HROB: variants seen among roughly 807,000 people sequenced by gnomAD.
The protein encoded by HROB is homologous recombination OB-fold protein.
HROB carries 44 observed loss-of-function variants against 61.0 expected under a neutral mutation model. The observed-to-expected ratio is 0.72, with a 90% CI of 0.57 to 0.93. The LOEUF (loss-of-function observed/expected upper bound fraction) is 0.93, where lower values mean the gene tolerates loss of function less well. Among genes scored for constraint, HROB ranks in the 40% least tolerant of loss-of-function variants. The probability of loss-of-function intolerance (pLI) is 0.00; values close to 1 mark genes in which losing one functional copy is unlikely to be tolerated. For missense variants in HROB, 716 were observed against 796.2 expected (o/e 0.90, Z 1.21); for synonymous variants, 301 against 310.4 (o/e 0.97, Z 0.32).
chr17:44,150,839 G>A (rs1449901867), intron 3 of HROB, 122 bp from the exon 4 acceptor site: 3 of 777,110 alleles, frequency 3.9e-6, no homozygotes, highest in Non-Finnish European at 6.5e-6. Context: ...TAGGAGAGAT[G>A]TAATATGTGT....
rs765213356 is a variant in HROB at position 44,161,954 on chromosome 17, C to T, written c.*22C>T. On this transcript the variant is annotated 3_prime_UTR_variant, in exon 10 of 10. Coordinates refer to ENST00000585683, the MANE Select transcript of HROB (RefSeq NM_001171251.3). The stretch of plus-strand genomic sequence containing the variant: ...TTGAGACTGCCCCAACGCAGGACAA[C>T]CCACCATGAGCAGGCAGCTCTGGGC... The T allele has an allele frequency of 1.2e-6, 2 of 1,610,720 alleles. No homozygotes were observed. The highest frequency in any genetic ancestry group is 1.7e-4 in the Middle Eastern group (1 of 6,052).
intron 1 of HROB, 143 bp downstream of exon 1, chr17:44,142,288 C>T: frequency 9.8e-6 from 11 of 1,122,692 alleles, no homozygotes; most frequent in Non-Finnish European, 1.3e-5. Flanking sequence ...GAGACCTGGG[C>T]TGTCGTCAGG....
At chr17:44,143,970 T>A (rs1287339517) in intron 1 of HROB, among the ~76,000 whole-genome samples, 2 of 152,086 alleles carry the variant, frequency 1.3e-5, no homozygotes, top group Non-Finnish European at 2.9e-5. Context: ...GAAAGTTTTT[T>A]AATCTTTCTT....
chr17:44,149,440 A>T (rs1442162797), intron 3 of HROB, among the ~76,000 whole-genome samples: 1 of 151,958 alleles, frequency 6.6e-6, no homozygotes, highest in Non-Finnish European at 1.5e-5. Flanking sequence ...GTAGAGACAG[A>T]GTTTCACCAT....
chr17:44,159,212 G>A (rs2054059381), intron 9 of HROB, among the ~76,000 whole-genome samples: 2 of 152,158 alleles, frequency 1.3e-5, no homozygotes, highest in African/African-American at 4.8e-5. Flanking sequence ...AACTGTTCCA[G>A]TATAATACAG....
chr17:44,162,001 G>T lies in HROB; in HGVS notation c.*69G>T. The stretch of plus-strand genomic sequence containing the variant: ...GGGCATGTGTCTGGTCACATCCAAG[G>T]GGGAGAAGAAGGCCAGCATGATTGG... On this transcript the variant is annotated 3_prime_UTR_variant, in exon 10 of 10. Transcript: ENST00000585683. 6.5e-7 allele frequency: 1 copy of T among 1,531,024 alleles called. No homozygotes were observed. The allele number at this position is 1,531,024 out of a possible 1,614,324, so 94.8% of individuals were successfully genotyped here.
At position 44,161,912 on chromosome 17, in the gene HROB, T is replaced by C. The variant is rs2054152429; in HGVS notation, c.1921T>C (p.Phe641Leu). Residue 641 changes from phenylalanine to leucine, a missense_variant, in exon 10 of 10, where the codon TTC becomes CTC. Transcript: ENST00000585683. ...CCTGAGTGAGCTTCCTGAAGACTTC[T>C]TCTGTGGGACCAGTAGTTGAGACTG... The part of the protein sequence containing the change: ...GLLSELPEDF[F>L]CGTSS 1.2e-6 allele frequency: 2 copies of C among 1,614,066 alleles called. No individual in the cohort carries two copies. Among genetic ancestry groups the C allele is most frequent in the African/African-American group, 2.7e-5 (2 of 74,942 alleles).
At chr17:44,150,717 C>G (rs980910214) in intron 3 of HROB, among the ~76,000 whole-genome samples, 9 of 152,176 alleles carry the variant, frequency 5.9e-5, no homozygotes, top group African/African-American at 1.4e-4. Flanking sequence ...GTCACTGCCC[C>G]CTTCAGGCAG....
intron 1 of HROB, among the ~76,000 whole-genome samples, chr17:44,144,264 T>C (rs2053546847): frequency 6.6e-6 from 1 of 151,776 alleles, no homozygotes; most frequent in South Asian, 2.1e-4. Context: ...CTCAGCCTCC[T>C]GAGTAGCTGG....
chr17:44,152,530 C>T (rs950664890), intron 4 of HROB, 107 bp from the exon 5 acceptor site: 98 of 1,326,766 alleles, frequency 7.4e-5, no homozygotes, highest in Admixed American at 3.9e-4. Context: ...ACAGTTTTTC[C>T]GAGGGGATTT....
At position 44,148,844 on chromosome 17, in the gene HROB, T is replaced by C; in HGVS notation, c.1041T>C (p.Ser347=). 6.2e-7 allele frequency: 1 copy of C among 1,614,214 alleles called. No homozygotes were observed. Among genetic ancestry groups the C allele is most frequent in the Non-Finnish European group, 8.5e-7 (1 of 1,180,028 alleles). The change falls in exon 3 of 10, where the codon TCT becomes TCC. Residue 347 remains serine (S), a synonymous_variant. Coordinates refer to ENST00000585683, the MANE Select transcript of HROB (RefSeq NM_001171251.3). ...RIPLQPQAPV[S]SIGSPVGTPK... is the part of the protein sequence containing the mutation. The stretch of plus-strand genomic sequence containing the variant: ...CCTTACAACCGCAAGCTCCAGTGTC[T>C]TCCATTGGGTCTCCTGTTGGTACCC...
In HROB at chr17:44,154,110, G is replaced by A. The variant is rs559486760; in HGVS notation, c.1450-446G>A. ...TGTAATCCCAGCACTTTGGGAGGCCGAGGTGGGTGGATCACGAGGTCAGGA... is the reference window on the plus strand; with the variant it reads ...TGTAATCCCAGCACTTTGGGAGGCCAAGGTGGGTGGATCACGAGGTCAGGA... On this transcript the variant is annotated intron_variant, in intron 5 of 9. Transcript: ENST00000585683. Among the ~76,000 whole-genome samples, 250 of 152,082 alleles carry A rather than the reference G, an allele frequency of 1.6e-3. 1 individual carries two copies. Among genetic ancestry groups the A allele is most frequent in the African/African-American group, 5.8e-3 (242 of 41,510 alleles).
rs1303336818 is a variant in HROB, at chr17:44,161,941, C to T, written c.*9C>T. 1.2e-6 allele frequency: 2 copies of T among 1,613,204 alleles called. No individual in the cohort carries two copies. Among genetic ancestry groups the T allele is most frequent in the East Asian group, 2.2e-5 (1 of 44,880 alleles). The stretch of plus-strand genomic sequence containing the variant: ...GTGGGACCAGTAGTTGAGACTGCCC[C>T]AACGCAGGACAACCCACCATGAGCA... On this transcript the variant is annotated 3_prime_UTR_variant, in exon 10 of 10. Coordinates refer to ENST00000585683, the MANE Select transcript of HROB (RefSeq NM_001171251.3).
rs752052583 is a variant in HROB, at chr17:44,154,643, G to A, written c.1537G>A (p.Val513Met). Residue 513 changes from valine to methionine, a missense_variant, in exon 6 of 10, where the codon GTG (valine) becomes ATG (methionine). Physicochemically the swap from Val to Met is conservative, Grantham distance 21. Transcript: ENST00000585683. ...SLTRSTMDAS[V>M]VFKDPTGEMQ... The stretch of plus-strand genomic sequence containing the variant: ...GACTCGGAGCACAATGGACGCCAGT[G>A]TGGTTTTCAAGGACCCCACGGGTAA... 5.0e-6 allele frequency: 8 copies of A among 1,614,178 alleles called. No homozygotes were observed. In the East Asian group the frequency reaches 1.3e-4, roughly 27 times the overall value.
chr17:44,145,226 T>G lies in HROB; in HGVS notation c.27T>G (p.Phe9Leu). ...AGGCGTGCAGTTTGCAGAAGCTGTT[T>G]GCTGTGGAAGAGGAGTTTGAAGATG... MACSLQKL[F>L]AVEEEFEDED... Residue 9 changes from phenylalanine to leucine, a missense_variant, in exon 2 of 10, where the codon TTT becomes TTG. Physicochemically the swap from Phe to Leu is conservative, Grantham distance 22. Coordinates refer to ENST00000585683, the MANE Select transcript of HROB (RefSeq NM_001171251.3). 1 of 1,613,968 alleles carries G rather than the reference T, an allele frequency of 6.2e-7. No homozygotes were observed. Among genetic ancestry groups the G allele is most frequent in the Non-Finnish European group, 8.5e-7 (1 of 1,179,878 alleles).
chr17:44,147,985 T>C lies in HROB; in HGVS notation c.182T>C (p.Leu61Pro). The C allele has an allele frequency of 1.2e-6, 2 of 1,614,086 alleles. No individual in the cohort carries two copies. Among genetic ancestry groups the C allele is most frequent in the Non-Finnish European group, 8.5e-7 (1 of 1,180,038 alleles). The change falls in exon 3 of 10, where the codon CTG (leucine) becomes CCG (proline). Residue 61 changes from leucine to proline, a missense_variant. Transcript: ENST00000585683. ...GTGCAGGCACAGTCCTCCAGGCTGCTGCTGTTACACCCCACTGCTCCCTCA... is the reference window on the plus strand; with the variant it reads ...GTGCAGGCACAGTCCTCCAGGCTGCCGCTGTTACACCCCACTGCTCCCTCA... ...ETVQAQSSRL[L>P]LLHPTAPSEA... is the part of the protein sequence containing the mutation.
At chr17:44,157,750 T>G in intron 8 of HROB, 83 bp from the exon 9 acceptor site, 3 of 1,008,702 alleles carry the variant, frequency 3.0e-6, no homozygotes, top group African/African-American at 1.6e-5. Flanking sequence ...ACACTGTTCG[T>G]TTGAGGTTGT....
intron 2 of HROB, 24 bp from the exon 3 acceptor site, chr17:44,147,834 C>A: frequency 6.3e-7 from 1 of 1,594,936 alleles, no homozygotes; most frequent in Non-Finnish European, 8.6e-7. Flanking sequence ...GATGCCAAGA[C>A]CTACCATCTC....
chr17:44,155,265 C>T (rs1305129454), intron 7 of HROB, 21 bp from the exon 8 acceptor site: 50 of 1,613,398 alleles, frequency 3.1e-5, no homozygotes, highest in Non-Finnish European at 4.2e-5. Context: ...GGACACTGAC[C>T]TTCCCTTTCC....
Sources: allele counts gnomAD v4.1 joint callset (sites outside exome capture counted in the v4.1 genomes callset), GRCh38; gene constraint gnomAD v4.1.1; transcripts MANE v1.5; gene names NCBI Gene and HGNC (gene_info 2026-07-23, HGNC 2026-07-21).